The following GALNT18 variants were observed in gnomAD, a reference collection of about 807,000 sequenced individuals.
The protein encoded by GALNT18 is polypeptide N-acetylgalactosaminyltransferase 18, also known as GalNAc-transferase 18.
In GALNT18, 44 loss-of-function variants were observed where a neutral mutation model predicts 69.5. That is an observed-to-expected ratio of 0.63 (90% CI 0.50 to 0.81). GALNT18 has a LOEUF of 0.81. Ranked by LOEUF, GALNT18 falls within the 40% of genes least tolerant of loss-of-function variation. The pLI, the probability that GALNT18 is intolerant of heterozygous loss-of-function variation, is 0.00. For missense variants in GALNT18, 715 were observed against 810.0 expected, an observed-to-expected ratio of 0.88 and a Z score of 1.42; for synonymous variants, 364 against 318.2, an observed-to-expected ratio of 1.14 and a Z score of -1.53.
chr11:11,443,612 G>T (rs1002178187), intron 2 of GALNT18, among the ~76,000 whole-genome samples: 1 of 151,936 alleles, frequency 6.6e-6, no homozygotes, highest in Non-Finnish European at 1.5e-5. Flanking sequence ...CTGCGGCTGG[G>T]GCCATGGGGG....
chr11:11,570,457 C>T (rs894762095), intron 1 of GALNT18, among the ~76,000 whole-genome samples: 2 of 152,264 alleles, frequency 1.3e-5, no homozygotes, highest in Non-Finnish European at 2.9e-5. Flanking sequence ...CGGCCCCTGC[C>T]CTGCCCTTAA....
intron 3 of GALNT18, among the ~76,000 whole-genome samples, chr11:11,420,445 A>C (rs1244093651): frequency 1.3e-5 from 2 of 152,176 alleles, no homozygotes; most frequent in Non-Finnish European, 2.9e-5. Context: ...TGAGACTCTG[A>C]AGCTACTGGA....
intron 6 of GALNT18, among the ~76,000 whole-genome samples, chr11:11,361,516 ATCTATCTT>A (rs960207783): frequency 3.2e-4 from 13 of 40,182 alleles, no homozygotes; most frequent in South Asian, 7.3e-4. Flanking sequence ...CATAAAGTTT[ATCTATCTT>A]TCTATCTATC....
intron 1 of GALNT18, among the ~76,000 whole-genome samples, chr11:11,561,059 A>G (rs1000084410): frequency 8.5e-5 from 13 of 152,242 alleles, no homozygotes; most frequent in African/African-American, 3.1e-4. Flanking sequence ...AGTGAAAACT[A>G]TATTTTACTA....
chr11:11,448,661 A>T (rs1855716387), intron 2 of GALNT18, 83 bp downstream of exon 2: 1 of 1,174,162 alleles, frequency 8.5e-7, no homozygotes, highest in East Asian at 2.7e-5. Flanking sequence ...CCAGGCGCCC[A>T]GTCCTGCTCT....
intron 9 of GALNT18, among the ~76,000 whole-genome samples, chr11:11,306,249 G>A (rs1427677527): frequency 6.6e-6 from 1 of 152,156 alleles, no homozygotes; most frequent in Non-Finnish European, 1.5e-5. Context: ...GTGTGTGTGT[G>A]CATGCATGTG....
chr11:11,553,009 T>C (rs1466426776), intron 1 of GALNT18, among the ~76,000 whole-genome samples: 2 of 152,084 alleles, frequency 1.3e-5, no homozygotes, highest in African/African-American at 4.8e-5. Context: ...GTGAGTTTAA[T>C]CTAGATCAGT....
chr11:11,540,101 C>T lies in GALNT18; in HGVS notation c.235+81258G>A, dbSNP rs900221756. Among the ~76,000 whole-genome samples the T allele has an allele frequency of 1.3e-5, 2 of 152,144 alleles. No individual in the cohort carries two copies. Among genetic ancestry groups the T allele is most frequent in the Non-Finnish European group, 2.9e-5 (2 of 68,008 alleles). ...CACCCACCACCATCTCTCTGGGCCT[C>T]GGTTTCTTTTTCTAAAAACTTAAGG... On this transcript the variant is annotated intron_variant, in intron 1 of 10. Coordinates refer to ENST00000227756, the MANE Select transcript of GALNT18 (RefSeq NM_198516.3). This position sits in a 1 kb window ranked among gnomAD's most constrained non-coding sequence, Gnocchi z 4.6.
intron 3 of GALNT18, among the ~76,000 whole-genome samples, chr11:11,418,455 C>T (rs1336521300): frequency 1.3e-5 from 2 of 152,140 alleles, no homozygotes; most frequent in Non-Finnish European, 2.9e-5. Context: ...CTGTCTTTTT[C>T]CATCATCATC....
rs1433323325 is a variant in GALNT18 at position 11,505,937 on chromosome 11, C to T, written c.236-57001G>A. ...GGAAGTCATCCTCCCCTATGGCCTT[C>T]CTTATCAGTACAGGTTAGCAAGCAT... On this transcript the variant is annotated intron_variant, in intron 1 of 10. Transcript: ENST00000227756. This position sits in a 1 kb window ranked among gnomAD's most constrained non-coding sequence, Gnocchi z 4.6. Among the ~76,000 whole-genome samples the T allele has an allele frequency of 6.6e-6, 1 of 152,158 alleles. No individual in the cohort carries two copies. Among genetic ancestry groups the T allele is most frequent in the African/African-American group, 2.4e-5 (1 of 41,422 alleles).
chr11:11,309,194 TG>T lies in GALNT18; in HGVS notation c.1513-16002del, dbSNP rs1849630827. Among the ~76,000 whole-genome samples the T allele has an allele frequency of 6.6e-6, 1 of 152,164 alleles. No individual in the cohort carries two copies. The highest frequency in any genetic ancestry group is 2.4e-5 in the African/African-American group (1 of 41,438). On this transcript the variant is annotated intron_variant, in intron 9 of 10. Coordinates refer to ENST00000227756, the MANE Select transcript of GALNT18 (RefSeq NM_198516.3). The surrounding 1 kb of genome is among the most constrained non-coding windows in gnomAD (Gnocchi z 4.6). ...AGCCCTTCTTTCTACACTTCCACCA[TG>T]GGATGACACCACAAGAAGGCCCTCA...
chr11:11,295,582 C>T (rs989820660), intron 9 of GALNT18, among the ~76,000 whole-genome samples: 11 of 152,160 alleles, frequency 7.2e-5, no homozygotes, highest in African/African-American at 2.7e-4. Context: ...CAGAACCCAA[C>T]TGGAAACCAG....
chr11:11,593,994 C>T (rs1859426584), intron 1 of GALNT18, among the ~76,000 whole-genome samples: 1 of 152,192 alleles, frequency 6.6e-6, no homozygotes, highest in Admixed American at 6.5e-5. Flanking sequence ...TGCTTCTCAG[C>T]TCCTTTCTGC....
intron 2 of GALNT18, among the ~76,000 whole-genome samples, chr11:11,441,451 A>C (rs975794613): frequency 1.3e-5 from 2 of 152,190 alleles, no homozygotes; most frequent in African/African-American, 4.8e-5. Flanking sequence ...TCACCTGGGC[A>C]GGGCTGGGCA....
At chr11:11,544,212 A>C (rs367935947) in intron 1 of GALNT18, among the ~76,000 whole-genome samples, 123 of 152,296 alleles carry the variant, frequency 8.1e-4, no homozygotes, top group Middle Eastern at 3.4e-3. Flanking sequence ...CCAAGCACAT[A>C]GTAATGGACA....
intron 9 of GALNT18, among the ~76,000 whole-genome samples, chr11:11,317,641 T>A (rs964232173): frequency 6.6e-6 from 1 of 152,248 alleles, no homozygotes; most frequent in Non-Finnish European, 1.5e-5. Flanking sequence ...AGCAGATCTT[T>A]ATCAGATGCA....
At position 11,564,057 on chromosome 11, in the gene GALNT18, TC is replaced by T. The variant is rs1565015271; in HGVS notation, c.235+57301del. On this transcript the variant is annotated intron_variant, in intron 1 of 10. Transcript: ENST00000227756. The surrounding 1 kb of genome is among the most constrained non-coding windows in gnomAD (Gnocchi z 4.3). ...AGTGAGGCACCATGCTAAATGAATG[TC>T]AGCTTGTTTAACTCTTACAAGAGCC... 1.3e-5 allele frequency among the ~76,000 whole-genome samples: 2 copies of T among 152,190 alleles called. No individual in the cohort carries two copies. Among genetic ancestry groups the T allele is most frequent in the African/African-American group, 4.8e-5 (2 of 41,440 alleles).
intron 3 of GALNT18, among the ~76,000 whole-genome samples, chr11:11,398,468 C>CTA (rs1854384782): frequency 6.6e-6 from 1 of 152,184 alleles, no homozygotes; most frequent in African/African-American, 2.4e-5. Flanking sequence ...AATCCCCACT[C>CTA]TTTTAAAGAT....
At chr11:11,612,427 C>T (rs549685969) in intron 1 of GALNT18, among the ~76,000 whole-genome samples, 6 of 152,202 alleles carry the variant, frequency 3.9e-5, no homozygotes, top group Non-Finnish European at 5.9e-5. Context: ...TCTCATTTGT[C>T]GCTTCAAATC....
Sources: allele counts gnomAD v4.1 joint callset (sites outside exome capture counted in the v4.1 genomes callset), GRCh38; gene constraint gnomAD v4.1.1; non-coding constraint Gnocchi (gnomAD v3.1); transcripts MANE v1.5; gene names NCBI Gene and HGNC (gene_info 2026-07-23, HGNC 2026-07-21).